The following COL17A1 variants were observed in gnomAD, a reference collection of about 807,000 sequenced individuals.
The protein encoded by COL17A1 is collagen alpha-1(XVII) chain.
COL17A1 carries 181 observed loss-of-function variants against 218.4 expected under a neutral mutation model. The observed-to-expected ratio is 0.83, with a 90% CI of 0.73 to 0.94. The LOEUF (loss-of-function observed/expected upper bound fraction) is 0.94. Among genes scored for constraint, COL17A1 ranks in the 40% least tolerant of loss-of-function variants. The pLI, the probability that COL17A1 is intolerant of heterozygous loss-of-function variation, is 0.00. For missense variants in COL17A1, 1,924 were observed against 1,945.9 expected, an observed-to-expected ratio of 0.99 and a Z score of 0.21; for synonymous variants, 721 against 731.0, an observed-to-expected ratio of 0.99 and a Z score of 0.22.
chr10:104,037,955 T>A (rs1487074152), intron 45 of COL17A1, among the ~76,000 whole-genome samples, 182 bp from the exon 46 acceptor site: 4 of 152,088 alleles, frequency 2.6e-5, no homozygotes, highest in East Asian at 3.9e-4. Flanking sequence ...ATGGAGAAAC[T>A]GAGGCAGAGG....
In COL17A1 at chr10:104,043,696, A is replaced by G. The variant is rs1456797988; in HGVS notation, c.2435-115T>C. On this transcript the variant is annotated intron_variant, in intron 34 of 55. Transcript: ENST00000648076. ...CATTTCTTCTTCTCATCGCTGCTAA[A>G]TTTCCCTCCTCCCCCGCTACTGATC... is the stretch of plus-strand genomic sequence containing the variant. The G allele has an allele frequency of 6.6e-6, 10 of 1,508,690 alleles. No individual in the cohort carries two copies. In the East Asian group the frequency reaches 2.1e-4, roughly 31 times the overall value. 93.5% of individuals were successfully genotyped at this position (1,508,690 alleles called of 1,614,324 possible). A position where few individuals can be genotyped will look rare whatever the true frequency, so the allele number is the denominator to read the frequency against.
rs780983652 is a variant in COL17A1 at position 104,034,155 on chromosome 10, C to T, written c.3946G>A (p.Gly1316Ser). 44 of 1,613,708 alleles carry T rather than the reference C, an allele frequency of 2.7e-5. No individual in the cohort carries two copies. Among genetic ancestry groups the T allele is most frequent in the African/African-American group, 1.3e-5 (1 of 74,938 alleles). ...CCTGCACCCAGGGAGCCTGCACCAC[C>T]TCCTCCTGTGCTCATGGAAGAGCTG... is the stretch of plus-strand genomic sequence containing the variant. ...SYSSSMSTGG[G>S]GAGSLGAGGA... Residue 1316 changes from glycine to serine, a missense_variant, in exon 52 of 56, where the codon GGT becomes AGT. Coordinates refer to ENST00000648076, the MANE Select transcript of COL17A1 (RefSeq NM_000494.4).
chr10:104,040,543 T>G, intron 39 of COL17A1, 133 bp from the exon 40 acceptor site: 4 of 591,748 alleles, frequency 6.8e-6, no homozygotes, highest in Admixed American at 2.2e-5. Flanking sequence ...GATGGATGAA[T>G]GGGTGGGTGG....
At chr10:104,074,668 G>A (rs1564686358) in intron 5 of COL17A1, among the ~76,000 whole-genome samples, 1 of 152,168 alleles carries the variant, frequency 6.6e-6, no homozygotes, top group Non-Finnish European at 1.5e-5. Context: ...CAAATCCCTG[G>A]TCAGGCCCGA....
chr10:104,073,816 G>A, intron 6 of COL17A1: 1 of 300,990 alleles, frequency 3.3e-6, no homozygotes, highest in Non-Finnish European at 6.4e-6. Flanking sequence ...CGGGATGCCT[G>A]GCATTTGTGT....
Position 104,060,110 on chromosome 10 carries a change from C to T in COL17A1, c.1141+9G>A. ...TTCTGAAACCCAAGCCACACAGGAT[C>T]TGACGCACTTGCAGCGATGCTGGCA... On this transcript the variant is annotated intron_variant, in intron 14 of 55. Coordinates refer to ENST00000648076, the MANE Select transcript of COL17A1 (RefSeq NM_000494.4). The T allele has an allele frequency of 6.2e-7, 1 of 1,614,018 alleles. No individual in the cohort carries two copies. Among genetic ancestry groups the T allele is most frequent in the Non-Finnish European group, 8.5e-7 (1 of 1,180,024 alleles).
intron 31 of COL17A1, among the ~76,000 whole-genome samples, chr10:104,047,169 G>A (rs746125011): frequency 5.3e-4 from 80 of 152,100 alleles, no homozygotes; most frequent in Non-Finnish European, 9.3e-4. Flanking sequence ...AGAGGCCCCC[G>A]ATGAATGCCC....
intron 32 of COL17A1, among the ~76,000 whole-genome samples, chr10:104,046,113 G>T (rs1416638525): frequency 6.6e-6 from 1 of 152,226 alleles, no homozygotes; most frequent in African/African-American, 2.4e-5. Flanking sequence ...CTTCTCCCCT[G>T]CAGGGGAGGG....
chr10:104,046,947 G>C (rs971401336), intron 31 of COL17A1, among the ~76,000 whole-genome samples, 174 bp from the exon 32 acceptor site: 1 of 152,216 alleles, frequency 6.6e-6, no homozygotes, highest in Non-Finnish European at 1.5e-5. Flanking sequence ...TCTGGATGGA[G>C]AGCAGTTCTT....
Position 104,042,444 on chromosome 10 carries a change from G to C in COL17A1, c.2527C>G (p.Pro843Ala). The change falls in exon 36 of 56, where the codon CCA (proline) becomes GCA (alanine). Residue 843 changes from proline (P) to alanine (A), a missense_variant. Transcript: ENST00000648076. ...GPPGAPGPAG[P>A]AGLPGHQEVL... ...CCTTGATGTCCTGGGAGACCAGCTGGGCCGGCAGGGCCTGGAAACGGGGTT... is the reference window on the plus strand; with the variant it reads ...CCTTGATGTCCTGGGAGACCAGCTGCGCCGGCAGGGCCTGGAAACGGGGTT... The C allele has an allele frequency of 6.2e-7, 1 of 1,614,216 alleles. No homozygotes were observed. Among genetic ancestry groups the C allele is most frequent in the Non-Finnish European group, 8.5e-7 (1 of 1,180,036 alleles).
At chr10:104,036,058 A>T (rs1004643160) in intron 48 of COL17A1, among the ~76,000 whole-genome samples, 3 of 92,696 alleles carry the variant, frequency 3.2e-5, no homozygotes, top group African/African-American at 1.3e-4. Flanking sequence ...GAGTGTGTGT[A>T]TGGGAGTATG....
chr10:104,033,184 C>G, intron 53 of COL17A1, 54 bp downstream of exon 53: 2 of 1,561,572 alleles, frequency 1.3e-6, no homozygotes, highest in Non-Finnish European at 1.7e-6. Flanking sequence ...GGAGCAGACC[C>G]GTGGGAACCT....
In COL17A1 at chr10:104,070,635, G is replaced by T. The variant is rs1269564942; in HGVS notation, c.464-66C>A. On this transcript the variant is annotated intron_variant, in intron 8 of 55. Transcript: ENST00000648076. ...TCTTTCCTGAGTCCCTGTGCAACTG[G>T]GGGGAACATTTGTGGCATTCTGACT... 3.7e-6 allele frequency: 6 copies of T among 1,612,818 alleles called. No individual in the cohort carries two copies. The East Asian group carries it at 6.7e-5, about 18-fold the overall frequency.
At chr10:104,076,866 C>T (rs2086715505) in intron 4 of COL17A1, among the ~76,000 whole-genome samples, 1 of 152,178 alleles carries the variant, frequency 6.6e-6, no homozygotes, top group African/African-American at 2.4e-5. Context: ...TTTGTTTTTG[C>T]CTTGCTTTGC....
chr10:104,061,168 G>A (rs932995732), intron 13 of COL17A1, among the ~76,000 whole-genome samples: 1 of 152,188 alleles, frequency 6.6e-6, no homozygotes, highest in Non-Finnish European at 1.5e-5. Flanking sequence ...TATGGAGGGT[G>A]GAGCTTCCTG....
chr10:104,076,480 C>T (rs754953478), intron 4 of COL17A1, 51 bp from the exon 5 acceptor site: 3 of 1,611,936 alleles, frequency 1.9e-6, no homozygotes, highest in Non-Finnish European at 2.5e-6. Flanking sequence ...GAGAGGTGAA[C>T]CAAATGGCTA....
intron 48 of COL17A1, among the ~76,000 whole-genome samples, chr10:104,036,241 T>TGA (rs1018766989): frequency 6.7e-6 from 1 of 149,906 alleles, no homozygotes; most frequent in African/African-American, 2.5e-5. Context: ...GGAGTGTGTG[T>TGA]GAGAGAGAGA....
chr10:104,047,296 G>A (rs907322143), intron 31 of COL17A1, among the ~76,000 whole-genome samples: 9 of 152,046 alleles, frequency 5.9e-5, no homozygotes, highest in Admixed American at 2.0e-4. Flanking sequence ...CCTCGGCCTC[G>A]TGGGTGTTGG....
In COL17A1 at chr10:104,055,977, G is replaced by C. The variant is rs763764579; in HGVS notation, c.1492C>G (p.Arg498Gly). Residue 498 changes from arginine to glycine, a missense_variant, in exon 18 of 56, where the codon CGT becomes GGT. Transcript: ENST00000648076. ...LAEEVRKLKA[R>G]VDELERIRRS... is the part of the protein sequence containing the mutation. ...CTGATCCTCTCCAGCTCATCCACAC[G>C]CGCCTTCAGCTTCCTCACCTCCTCC... 13 of 1,613,952 alleles carry C rather than the reference G, an allele frequency of 8.1e-6. No individual in the cohort carries two copies. The highest frequency in any genetic ancestry group is 1.0e-5 in the Non-Finnish European group (12 of 1,180,016).
Sources: allele counts gnomAD v4.1 joint callset (sites outside exome capture counted in the v4.1 genomes callset), GRCh38; gene constraint gnomAD v4.1.1; transcripts MANE v1.5; gene names NCBI Gene and HGNC (gene_info 2026-07-23, HGNC 2026-07-21).